TBC1D32: variants seen among roughly 807,000 people sequenced by gnomAD.
TBC1D32 encodes the protein protein broad-minded.
TBC1D32 carries 151 observed loss-of-function variants against 170.3 expected under a neutral mutation model. That is an observed-to-expected ratio of 0.89 (90% CI 0.78 to 1.01). The LOEUF (loss-of-function observed/expected upper bound fraction) is 1.01. Among genes scored for constraint, TBC1D32 ranks in the 50% least tolerant of loss-of-function variants. The pLI is 0.00. For synonymous variants in TBC1D32, 498 were observed against 488.0 expected (o/e 1.02, Z -0.27); for missense variants, 1,464 against 1,457.1 (o/e 1.00, Z -0.08).
At chr6:121,285,454 G>C (rs1803656067) in intron 12 of TBC1D32, among the ~76,000 whole-genome samples, 1 of 152,038 alleles carries the variant, frequency 6.6e-6, no homozygotes, top group Non-Finnish European at 1.5e-5. Context: ...AGGTTTTTGG[G>C]GGATCTAAGC....
chr6:121,203,482 TAG>T lies in TBC1D32; in HGVS notation c.2570+1591_2570+1592del, dbSNP rs543676719. Among the ~76,000 whole-genome samples, 7 of 151,524 alleles carry T rather than the reference TAG, an allele frequency of 4.6e-5. 1 individual carries two copies. The highest frequency in any genetic ancestry group is 3.9e-4 in the Admixed American group (6 of 15,268). On this transcript the variant is annotated intron_variant, in intron 22 of 31. Transcript: ENST00000398212. ...AAAAATGAAGACAAAAATTATTTCATAGTAAAACACAAAAACAGCATAGATCA... is the reference window on the plus strand; with the variant it reads ...AAAAATGAAGACAAAAATTATTTCATTAAAACACAAAAACAGCATAGATCA...
At chr6:121,177,262 G>T (rs1200350638) in intron 22 of TBC1D32, among the ~76,000 whole-genome samples, 1 of 152,126 alleles carries the variant, frequency 6.6e-6, no homozygotes, top group Non-Finnish European at 1.5e-5. Context: ...CCTTGGTGCT[G>T]TTCTCATGAT....
At chr6:121,095,429 T>C (rs1777285247) in intron 30 of TBC1D32, among the ~76,000 whole-genome samples, 1 of 152,198 alleles carries the variant, frequency 6.6e-6, no homozygotes, top group Admixed American at 6.6e-5. Flanking sequence ...TTTATTTCTT[T>C]CTCTTGCCTG....
intron 15 of TBC1D32, among the ~76,000 whole-genome samples, chr6:121,269,721 A>T (rs556172028): frequency 6.6e-6 from 1 of 152,264 alleles, no homozygotes; most frequent in African/African-American, 2.4e-5. Flanking sequence ...AAAGTTAACA[A>T]GGATATCCAG....
intron 22 of TBC1D32, among the ~76,000 whole-genome samples, chr6:121,178,154 G>C (rs139742569): frequency 1.2e-4 from 18 of 152,246 alleles, no homozygotes; most frequent in Non-Finnish European, 2.1e-4. Context: ...CAGTATGGGG[G>C]AAACTGCGCC....
chr6:121,113,198 A>C, intron 27 of TBC1D32, 21 bp from the exon 28 acceptor site: 1 of 1,482,604 alleles, frequency 6.7e-7, no homozygotes. Context: ...AGCCCACAAA[A>C]CATAAAACAT....
chr6:121,170,749 G>C (rs1786867686), intron 22 of TBC1D32, among the ~76,000 whole-genome samples: 1 of 151,948 alleles, frequency 6.6e-6, no homozygotes, highest in South Asian at 2.1e-4. Flanking sequence ...TTCCAATCTA[G>C]ATTTTTTAAA....
chr6:121,202,705 T>C (rs933631083), intron 22 of TBC1D32, among the ~76,000 whole-genome samples: 6 of 151,222 alleles, frequency 4.0e-5, no homozygotes, highest in African/African-American at 1.5e-4. Flanking sequence ...AGGAATGATC[T>C]AGCATAAAAG....
intron 21 of TBC1D32, among the ~76,000 whole-genome samples, 197 bp downstream of exon 21, chr6:121,223,039 T>C (rs1794692868): frequency 6.6e-6 from 1 of 152,198 alleles, no homozygotes; most frequent in Admixed American, 6.5e-5. Context: ...GTCTTGGGAA[T>C]GTTAGGTGAC....
chr6:121,180,930 A>C (rs1204200856), intron 22 of TBC1D32, among the ~76,000 whole-genome samples: 1 of 152,156 alleles, frequency 6.6e-6, no homozygotes, highest in Admixed American at 6.6e-5. Context: ...TGGGCAAAAG[A>C]TATAAACAGG....
At chr6:121,311,725 CA>C (rs34442665) in intron 3 of TBC1D32, among the ~76,000 whole-genome samples, 35,094 of 114,328 alleles carry the variant, frequency 0.31, 5,974 homozygotes, top group African/African-American at 0.54. Flanking sequence ...GACTCCACCT[CA>C]AAAAAAAAAA....
At position 121,159,936 on chromosome 6, in the gene TBC1D32, C is replaced by T. The variant is rs990930551; in HGVS notation, c.2773+74G>A. 3.6e-5 allele frequency: 36 copies of T among 1,009,986 alleles called. No individual in the cohort carries two copies. The African/African-American group carries it at 5.2e-4, about 14-fold the overall frequency. The allele number at this position is 1,009,986 out of a possible 1,614,324, so 62.6% of individuals were successfully genotyped here. On this transcript the variant is annotated intron_variant, in intron 24 of 31. Coordinates refer to ENST00000398212, the MANE Select transcript of TBC1D32 (RefSeq NM_152730.6). ...CTAAATGCAGTCAATATTCATCTTCCTTAATATTTTCTTTTTTTCAAATTA... is the reference window on the plus strand; with the variant it reads ...CTAAATGCAGTCAATATTCATCTTCTTTAATATTTTCTTTTTTTCAAATTA...
chr6:121,240,918 G>A (rs1796910778), intron 19 of TBC1D32, among the ~76,000 whole-genome samples: 1 of 145,148 alleles, frequency 6.9e-6, no homozygotes, highest in Non-Finnish European at 1.5e-5. Flanking sequence ...AATTTCCAAT[G>A]TTTTAACTTC....
intron 12 of TBC1D32, among the ~76,000 whole-genome samples, chr6:121,287,224 C>A (rs1440728823): frequency 1.3e-5 from 2 of 152,138 alleles, no homozygotes; most frequent in African/African-American, 4.8e-5. Context: ...GATAAGGAGT[C>A]AAGGCCCATC....
intron 10 of TBC1D32, 46 bp downstream of exon 10, chr6:121,299,400 T>G (rs1806125354): frequency 6.9e-7 from 1 of 1,449,152 alleles, no homozygotes; most frequent in Non-Finnish European, 9.4e-7. Context: ...TCATATATAT[T>G]CTGGTGATAT....
chr6:121,180,173 T>G (rs889568049), intron 22 of TBC1D32, among the ~76,000 whole-genome samples: 1 of 152,204 alleles, frequency 6.6e-6, no homozygotes, highest in African/African-American at 2.4e-5. Context: ...CCACCATTGA[T>G]CTCTAGACTC....
intron 1 of TBC1D32, among the ~76,000 whole-genome samples, chr6:121,329,689 G>A (rs1810958710): frequency 6.6e-6 from 1 of 151,530 alleles, no homozygotes; most frequent in Non-Finnish European, 1.5e-5. Context: ...AAATAAAAAG[G>A]CAAGAAATAT....
At chr6:121,194,336 C>A (rs879542301) in intron 22 of TBC1D32, among the ~76,000 whole-genome samples, 3 of 152,164 alleles carry the variant, frequency 2.0e-5, no homozygotes, top group Admixed American at 6.5e-5. Flanking sequence ...CAAATGGAAG[C>A]CATTAGAGCT....
At position 121,227,003 on chromosome 6, in the gene TBC1D32, T is replaced by A. The variant is rs1202799818; in HGVS notation, c.2365-3651A>T. Among the ~76,000 whole-genome samples the A allele has an allele frequency of 2.6e-5, 4 of 152,094 alleles. No individual in the cohort carries two copies. The East Asian group carries it at 7.7e-4, about 29-fold the overall frequency. ...TGGGCCACATTGGAAGAAGAAGAAT[T>A]GTCTTGGGCCACACATAAAATACAG... On this transcript the variant is annotated intron_variant, in intron 20 of 31. Transcript: ENST00000398212.
Sources: gnomAD v4.1 joint callset for allele counts (sites outside exome capture counted in the v4.1 genomes callset) on GRCh38, gnomAD v4.1.1 for gene constraint, MANE v1.5 for transcripts, NCBI Gene and HGNC (gene_info 2026-07-23, HGNC 2026-07-21) for gene names.